PIGK: variants seen among roughly 807,000 people sequenced by gnomAD.
PIGK encodes GPI-anchor transamidase.
A neutral mutation model predicts 50.6 loss-of-function variants in PIGK; 42 were observed. The observed-to-expected ratio is 0.83, with a 90% CI of 0.65 to 1.07. The LOEUF (loss-of-function observed/expected upper bound fraction) is 1.07, where lower values mean the gene tolerates loss of function less well. Among genes scored for constraint, PIGK ranks in the 50% least tolerant of loss-of-function variants. The probability of loss-of-function intolerance (pLI) is 0.00; values close to 1 mark genes in which losing one functional copy is unlikely to be tolerated. For synonymous variants in PIGK, 151 were observed against 156.0 expected, an observed-to-expected ratio of 0.97 and a Z score of 0.24; for missense variants, 448 against 488.7, an observed-to-expected ratio of 0.92 and a Z score of 0.78.
At position 77,092,286 on chromosome 1, in the gene PIGK, A is replaced by G; in HGVS notation, c.*88T>C. The G allele has an allele frequency of 1.6e-6, 1 of 621,460 alleles. No homozygotes were observed. The highest frequency in any genetic ancestry group is 2.8e-6 in the Non-Finnish European group (1 of 356,580). The allele number at this position is 621,460 out of a possible 1,614,324, so 38.5% of individuals were successfully genotyped here. ...CCTTATACTTATTTCCAATTCATAC[A>G]AGAGAAACACATTTTTAAAAATATA... On this transcript the variant is annotated 3_prime_UTR_variant, in exon 11 of 11. Transcript: ENST00000370812.
intron 9 of PIGK, among the ~76,000 whole-genome samples, chr1:77,125,110 C>T (rs1006421369): frequency 6.6e-6 from 1 of 152,262 alleles, no homozygotes; most frequent in South Asian, 2.1e-4. Context: ...AGATGAAATA[C>T]ATTTTTTTCT....
At chr1:77,166,658 G>T (rs1053921113) in intron 5 of PIGK, 61 bp downstream of exon 5, 2 of 775,522 alleles carry the variant, frequency 2.6e-6, no homozygotes, top group South Asian at 1.8e-5. Context: ...CTTTCCATTT[G>T]CCTTTCTTTT....
Position 77,112,726 on chromosome 1 carries a change from G to T in PIGK, c.1071+9549C>A, listed in dbSNP as rs568122475. ...TAATGCACCTTTTTTTCCCTGTACA[G>T]TTTCTCTACCTTAAAAGCAGGTACA... On this transcript the variant is annotated intron_variant, in intron 10 of 10. Transcript: ENST00000370812. Among the ~76,000 whole-genome samples the T allele has an allele frequency of 5.3e-5, 8 of 151,848 alleles. No individual in the cohort carries two copies. In the East Asian group the frequency reaches 1.6e-3, roughly 29 times the overall value.
At chr1:77,219,266 C>T in intron 1 of PIGK, 44 bp downstream of exon 1, 1 of 1,523,784 alleles carries the variant, frequency 6.6e-7, no homozygotes, top group Non-Finnish European at 9.1e-7. Flanking sequence ...CTGGAGGGCT[C>T]ACAGCCGGCC....
At chr1:77,196,735 A>G (rs1180062444) in intron 3 of PIGK, among the ~76,000 whole-genome samples, 1 of 152,150 alleles carries the variant, frequency 6.6e-6, no homozygotes, top group Non-Finnish European at 1.5e-5. Context: ...TCAGATGCAC[A>G]GTTTGTAAAT....
intron 10 of PIGK, among the ~76,000 whole-genome samples, chr1:77,119,360 T>C (rs1654045078): frequency 2.0e-5 from 3 of 152,264 alleles, no homozygotes; most frequent in Non-Finnish European, 4.4e-5. Flanking sequence ...TAAATCTAAT[T>C]GTAATTATTT....
chr1:77,130,585 T>C (rs1654351670), intron 9 of PIGK, among the ~76,000 whole-genome samples: 1 of 152,168 alleles, frequency 6.6e-6, no homozygotes, highest in African/African-American at 2.4e-5. Context: ...TGAACCAATA[T>C]CACATTATCT....
intron 3 of PIGK, among the ~76,000 whole-genome samples, chr1:77,204,609 A>C (rs1656247939): frequency 6.6e-6 from 1 of 151,916 alleles, no homozygotes; most frequent in South Asian, 2.1e-4. Context: ...CCGACATGTG[A>C]TGTCTCCCCT....
At chr1:77,206,576 A>T in intron 3 of PIGK, 64 bp downstream of exon 3, 1 of 883,056 alleles carries the variant, frequency 1.1e-6, no homozygotes, top group East Asian at 2.5e-5. Flanking sequence ...TACAAATATA[A>T]TAACAATTAT....
At chr1:77,218,560 A>C (rs1447169253) in intron 1 of PIGK, among the ~76,000 whole-genome samples, 1 of 152,154 alleles carries the variant, frequency 6.6e-6, no homozygotes, top group Non-Finnish European at 1.5e-5. Context: ...GTGTCTTTTT[A>C]AGAGGAGGTA....
At chr1:77,189,722 T>C (rs867165906) in intron 3 of PIGK, among the ~76,000 whole-genome samples, 2 of 82,660 alleles carry the variant, frequency 2.4e-5, no homozygotes, top group African/African-American at 1.3e-4. Flanking sequence ...TATATATATA[T>C]ATATATATAT....
intron 9 of PIGK, among the ~76,000 whole-genome samples, chr1:77,149,276 C>A (rs1654841332): frequency 6.6e-6 from 1 of 152,096 alleles, no homozygotes; most frequent in Non-Finnish European, 1.5e-5. Context: ...TGACTAAATT[C>A]TCCAATTAAA....
chr1:77,115,272 A>G (rs529120338), intron 10 of PIGK, among the ~76,000 whole-genome samples: 2 of 152,230 alleles, frequency 1.3e-5, no homozygotes, highest in Admixed American at 6.5e-5. Context: ...ATTCTCAACT[A>G]TATATATTTT....
At chr1:77,122,409 A>C (rs747773160) in intron 9 of PIGK, 50 bp from the exon 10 acceptor site, 2 of 925,612 alleles carry the variant, frequency 2.2e-6, no homozygotes, top group Non-Finnish European at 3.5e-6. Context: ...ACTATTTTGA[A>C]ATATAGCAAA....
In PIGK at chr1:77,161,311, G is replaced by C; in HGVS notation, c.797C>G (p.Thr266Ser). The change falls in exon 8 of 11, where the codon ACT (threonine) becomes AGT (serine). Residue 266 changes from threonine (T) to serine (S), a missense_variant. Thr to Ser is a moderately conservative substitution (Grantham distance 58). Transcript: ENST00000370812. Reference protein sequence around the residue: ...FLEEINPASQTNMNDLFQVCP... With the variant: ...FLEEINPASQSNMNDLFQVCP... ...AATACTTACAAGGTCATTCATATTA[G>C]TTTGGCTAGCTGGGTTAATTTCTTC... The C allele has an allele frequency of 6.5e-7, 1 of 1,538,374 alleles. No homozygotes were observed. Among genetic ancestry groups the C allele is most frequent in the Non-Finnish European group, 9.0e-7 (1 of 1,111,192 alleles).
At position 77,154,560 on chromosome 1, in the gene PIGK, T is replaced by C. The variant is rs769975199; in HGVS notation, c.875A>G (p.Gln292Arg). 6.2e-7 allele frequency: 1 copy of C among 1,612,898 alleles called. No homozygotes were observed. The highest frequency in any genetic ancestry group is 2.2e-5 in the East Asian group (1 of 44,854). ...TATCAGTACATTTTTAGGATCCCTC[T>C]GAAAAAGATCAGTGCGATGTCCAGG... ...STPGHRTDLF[Q>R]RDPKNVLITD... Residue 292 changes from glutamine (Q) to arginine (R), a missense_variant, in exon 9 of 11, where the codon CAG becomes CGG. Gln to Arg is a conservative substitution (Grantham distance 43). Coordinates refer to ENST00000370812, the MANE Select transcript of PIGK (RefSeq NM_005482.3).
At chr1:77,144,170 T>C (rs1033789386) in intron 9 of PIGK, among the ~76,000 whole-genome samples, 1 of 152,008 alleles carries the variant, frequency 6.6e-6, no homozygotes, top group Admixed American at 6.5e-5. Context: ...TAATGTCAGA[T>C]AGTAGACAAT....
chr1:77,171,058 GATC>G (rs1305810383), intron 3 of PIGK, among the ~76,000 whole-genome samples: 4 of 143,100 alleles, frequency 2.8e-5, no homozygotes, highest in Admixed American at 2.1e-4. Flanking sequence ...TAAAACTTGA[GATC>G]ATTAATTTAC....
chr1:77,092,085 G>A lies in PIGK; in HGVS notation c.*289C>T, dbSNP rs999494744. 2 of 171,538 alleles carry A rather than the reference G, an allele frequency of 1.2e-5. No homozygotes were observed. The highest frequency in any genetic ancestry group is 2.5e-5 in the Non-Finnish European group (2 of 81,432). 10.6% of individuals were successfully genotyped at this position (171,538 alleles called of 1,614,324 possible). On this transcript the variant is annotated 3_prime_UTR_variant, in exon 11 of 11. Coordinates refer to ENST00000370812, the MANE Select transcript of PIGK (RefSeq NM_005482.3). ...CAATTGTTTCTTTTCCAAATGAAAA[G>A]GGGATAAGGGGAAATTACTATTTTC...
Sources: gnomAD v4.1 joint callset for allele counts (sites outside exome capture counted in the v4.1 genomes callset) on GRCh38, gnomAD v4.1.1 for gene constraint, MANE v1.5 for transcripts, NCBI Gene and HGNC (gene_info 2026-07-23, HGNC 2026-07-21) for gene names.